The following DIP2B variants were observed in gnomAD, a reference collection of about 807,000 sequenced individuals.
DIP2B encodes the protein disco-interacting protein 2 homolog B.
In DIP2B, 76 loss-of-function variants were observed where a neutral mutation model predicts 198.0. The ratio of observed to expected loss-of-function variants is 0.38; its 90% CI spans 0.32 to 0.46. The LOEUF (loss-of-function observed/expected upper bound fraction) is 0.46, where lower values mean the gene tolerates loss of function less well. Ranked by LOEUF, DIP2B falls within the 20% of genes least tolerant of loss-of-function variation. The pLI is 0.99. For missense variants in DIP2B, 1,559 were observed against 1,978.4 expected (o/e 0.79, Z 4.02); for synonymous variants, 701 against 739.1 (o/e 0.95, Z 0.84).
In DIP2B at chr12:50,655,333, C is replaced by CA. The variant is rs1938535788; in HGVS notation, c.302-4859dup. ...ATACATGTCTGCTTATTTGTGTAAA[C>CA]AATAGTAAATATGTATGTATCTACT... On this transcript the variant is annotated intron_variant, in intron 3 of 37. Coordinates refer to ENST00000301180, the MANE Select transcript of DIP2B (RefSeq NM_173602.3). Among the ~76,000 whole-genome samples the CA allele has an allele frequency of 2.6e-5, 4 of 152,138 alleles. No homozygotes were observed. The South Asian group carries it at 8.3e-4, about 32-fold the overall frequency.
chr12:50,712,266 A>G (rs1379229163), intron 22 of DIP2B, among the ~76,000 whole-genome samples: 1 of 152,100 alleles, frequency 6.6e-6, no homozygotes, highest in Non-Finnish European at 1.5e-5. Flanking sequence ...GTTCAATAAG[A>G]CCTATGGGTA....
chr12:50,566,565 TTTC>T (rs1198156528), intron 1 of DIP2B, among the ~76,000 whole-genome samples: 3 of 152,210 alleles, frequency 2.0e-5, no homozygotes, highest in Admixed American at 2.0e-4. Flanking sequence ...AATAATTTGT[TTTC>T]TTCTTTCCTT....
At chr12:50,695,169 C>T (rs754056421) in intron 14 of DIP2B, 98 bp from the exon 15 acceptor site, 7 of 908,882 alleles carry the variant, frequency 7.7e-6, no homozygotes, top group South Asian at 1.6e-5. Context: ...TTGAGTATTA[C>T]TTGTATAATT....
rs936220923 is a variant in DIP2B at position 50,505,075 on chromosome 12, C to T, written c.-66C>T. The T allele has an allele frequency of 6.2e-6, 9 of 1,443,124 alleles. No individual in the cohort carries two copies. Among genetic ancestry groups the T allele is most frequent in the South Asian group, 1.2e-5 (1 of 81,884 alleles). 89.4% of individuals were successfully genotyped at this position (1,443,124 alleles called of 1,614,324 possible). ...CCGGATCCTGTAGCCGGGTGTGGGC[C>T]CGTGTCTGTCCGTCCCTCCTTCGGC... On this transcript the variant is annotated 5_prime_UTR_variant, in exon 1 of 38. Coordinates refer to ENST00000301180, the MANE Select transcript of DIP2B (RefSeq NM_173602.3).
In DIP2B at chr12:50,626,022, A is replaced by G. The variant is rs147599326; in HGVS notation, c.147A>G (p.Leu49=). 15 of 1,614,104 alleles carry G rather than the reference A, an allele frequency of 9.3e-6. No homozygotes were observed. The highest frequency in any genetic ancestry group is 1.2e-5 in the Non-Finnish European group (14 of 1,179,980). Residue 49 remains leucine (L), a synonymous_variant, in exon 2 of 38, where the codon CTA becomes CTG. Transcript: ENST00000301180. ...ATGAAAAGAAAAGGTCCAAACTCCT[A>G]TCTCCTTACAGCCCGCAGACACAAG... ...KGYEKKRSKL[L]SPYSPQTQET...
intron 1 of DIP2B, among the ~76,000 whole-genome samples, chr12:50,579,725 C>A (rs1483213300): frequency 2.6e-4 from 29 of 110,528 alleles, no homozygotes; most frequent in South Asian, 3.0e-4. Context: ...ATATACATAG[C>A]TTCATGGACC....
At chr12:50,691,310 A>G (rs1048350676) in intron 13 of DIP2B, among the ~76,000 whole-genome samples, 159 bp downstream of exon 13, 3 of 152,236 alleles carry the variant, frequency 2.0e-5, no homozygotes, top group African/African-American at 7.2e-5. Flanking sequence ...TCTCAAAAAT[A>G]TGCTGTAGTT....
At chr12:50,646,367 T>A (rs1260960187) in intron 3 of DIP2B, among the ~76,000 whole-genome samples, 2 of 151,824 alleles carry the variant, frequency 1.3e-5, no homozygotes, top group African/African-American at 4.8e-5. Flanking sequence ...GTGATCCGCC[T>A]GCCTTGACCT....
Position 50,695,911 on chromosome 12 carries a change from G to A in DIP2B, c.1877G>A (p.Arg626Lys), listed in dbSNP as rs1211762270. ...HWAMMAHRDQ[R>K]DVSLSSLRML... ...GCTATGATGGCACATCGGGACCAAAGAGACGTGAGCTTGAGTTCCCTCCGA... is the reference window on the plus strand; with the variant it reads ...GCTATGATGGCACATCGGGACCAAAAAGACGTGAGCTTGAGTTCCCTCCGA... Residue 626 changes from arginine to lysine, a missense_variant, in exon 16 of 38, where the codon AGA becomes AAA. Arg to Lys is a conservative substitution (Grantham distance 26). Coordinates refer to ENST00000301180, the MANE Select transcript of DIP2B (RefSeq NM_173602.3). The A allele has an allele frequency of 1.2e-6, 2 of 1,614,050 alleles. No homozygotes were observed. Among genetic ancestry groups the A allele is most frequent in the South Asian group, 1.1e-5 (1 of 91,086 alleles).
intron 19 of DIP2B, among the ~76,000 whole-genome samples, chr12:50,703,349 G>A (rs1939456320): frequency 6.6e-6 from 1 of 152,102 alleles, no homozygotes; most frequent in Non-Finnish European, 1.5e-5. Flanking sequence ...GGAAGAACCA[G>A]ACATTCTAGT....
chr12:50,669,422 G>GT (rs1262252985), intron 4 of DIP2B, among the ~76,000 whole-genome samples: 3 of 151,944 alleles, frequency 2.0e-5, no homozygotes, highest in African/African-American at 4.8e-5. Context: ...AACTTTCTGG[G>GT]TTTTTTGTTT....
intron 32 of DIP2B, 130 bp from the exon 33 acceptor site, chr12:50,734,005 A>T: frequency 1.1e-6 from 1 of 890,412 alleles, no homozygotes; most frequent in Non-Finnish European, 1.9e-6. Flanking sequence ...CAGGGGGCCT[A>T]CTCTCAAGGG....
intron 21 of DIP2B, among the ~76,000 whole-genome samples, chr12:50,707,350 T>C (rs1430282442): frequency 6.6e-6 from 1 of 152,124 alleles, no homozygotes; most frequent in East Asian, 1.9e-4. Flanking sequence ...TCCTATGAGA[T>C]GTAAAGTCCA....
chr12:50,638,574 CT>C (rs1163658687), intron 2 of DIP2B, among the ~76,000 whole-genome samples: 2 of 152,088 alleles, frequency 1.3e-5, no homozygotes, highest in Non-Finnish European at 2.9e-5. Context: ...TTGCTTTTAG[CT>C]TTTCTTTACC....
At chr12:50,514,584 T>A (rs1413498133) in intron 1 of DIP2B, among the ~76,000 whole-genome samples, 1 of 152,210 alleles carries the variant, frequency 6.6e-6, no homozygotes, top group Admixed American at 6.5e-5. Flanking sequence ...TATTGATTGA[T>A]CTGTTCATTT....
chr12:50,582,050 A>C (rs1958728691), intron 1 of DIP2B, among the ~76,000 whole-genome samples: 1 of 151,088 alleles, frequency 6.6e-6, no homozygotes, highest in Non-Finnish European at 1.5e-5. Flanking sequence ...GACACAGGGC[A>C]TGGTGGAGCA....
chr12:50,619,716 A>G (rs1013886762), intron 1 of DIP2B, among the ~76,000 whole-genome samples: 10 of 152,294 alleles, frequency 6.6e-5, no homozygotes, highest in African/African-American at 2.2e-4. Context: ...TTAAATCACA[A>G]TGAAAACTTT....
intron 1 of DIP2B, among the ~76,000 whole-genome samples, chr12:50,596,548 C>T (rs889406228): frequency 1.3e-5 from 2 of 152,200 alleles, no homozygotes; most frequent in African/African-American, 4.8e-5. Context: ...CTAAAAGAGA[C>T]AGTTTTCAAG....
chr12:50,600,285 G>A (rs530905129), intron 1 of DIP2B, among the ~76,000 whole-genome samples: 1 of 152,214 alleles, frequency 6.6e-6, no homozygotes, highest in Admixed American at 6.5e-5. Flanking sequence ...AGCTAGTGTT[G>A]GATGAGGACA....
Sources: allele counts gnomAD v4.1 joint callset (sites outside exome capture counted in the v4.1 genomes callset), GRCh38; gene constraint gnomAD v4.1.1; transcripts MANE v1.5; gene names NCBI Gene and HGNC (gene_info 2026-07-23, HGNC 2026-07-21).